Variants in STRN observed in about 807,000 individuals in gnomAD.
STRN encodes the protein protein phosphatase 2 regulatory subunit B'''alpha.
In STRN, 53 loss-of-function variants were observed where a neutral mutation model predicts 96.3. That is an observed-to-expected ratio of 0.55 (90% CI 0.44 to 0.69). STRN has a LOEUF of 0.69. STRN is among the 30% of genes least tolerant of loss of function. The pLI is 0.00. For synonymous variants in STRN, 428 were observed against 355.9 expected (o/e 1.20, Z -2.28); for missense variants, 987 against 963.9 (o/e 1.02, Z -0.32).
chr2:36,850,951 G>GT (rs771268393), intron 16 of STRN, 49 bp downstream of exon 16: 98 of 750,996 alleles, frequency 1.3e-4, no homozygotes, highest in Non-Finnish European at 1.8e-4. Context: ...TTGTGGTAGG[G>GT]ATTTTTTTTT....
At chr2:36,886,903 G>A (rs1043628440) in intron 7 of STRN, 77 bp from the exon 8 acceptor site, 54 of 1,109,670 alleles carry the variant, frequency 4.9e-5, no homozygotes, top group African/African-American at 4.3e-4. Context: ...TCTGAATGAC[G>A]TAACAACCAC....
chr2:36,881,607 G>A (rs931075486), intron 9 of STRN, among the ~76,000 whole-genome samples: 7 of 152,134 alleles, frequency 4.6e-5, no homozygotes, highest in African/African-American at 1.4e-4. Flanking sequence ...TGCACTGAGG[G>A]GGAAGGCTTA....
At chr2:36,861,069 T>A in intron 13 of STRN, 63 bp downstream of exon 13, 2 of 1,583,028 alleles carry the variant, frequency 1.3e-6, no homozygotes, top group Non-Finnish European at 1.7e-6. Flanking sequence ...CCTTTTATAT[T>A]CTATGAAAAA....
At chr2:36,929,423 G>A (rs1253318896) in intron 1 of STRN, among the ~76,000 whole-genome samples, 3 of 148,856 alleles carry the variant, frequency 2.0e-5, no homozygotes, top group South Asian at 4.2e-4. Context: ...TCGCTCTGTC[G>A]CCCAGGCTGG....
rs1415057090 is a variant in STRN, at chr2:36,849,756, T to C, written c.2131A>G (p.Ser711Gly). The change falls in exon 17 of 18, where the codon AGT (serine) becomes GGT (glycine). Residue 711 changes from serine (S) to glycine (G), a missense_variant. Coordinates refer to ENST00000263918, the MANE Select transcript of STRN (RefSeq NM_003162.4). ...AGGCCATTGGGATCAACTGCTAAAC[T>C]TGTAACAGCTTCTAGGTGGGCTACC... Reference protein sequence around the residue: ...SMVAHLEAVTSLAVDPNGLYL... With the variant: ...SMVAHLEAVTGLAVDPNGLYL... 6.2e-7 allele frequency: 1 copy of C among 1,614,134 alleles called. No individual in the cohort carries two copies. The highest frequency in any genetic ancestry group is 1.7e-5 in the Admixed American group (1 of 60,024).
intron 1 of STRN, among the ~76,000 whole-genome samples, chr2:36,930,969 GT>G (rs1460250482): frequency 6.6e-6 from 1 of 151,900 alleles, no homozygotes; most frequent in Non-Finnish European, 1.5e-5. Context: ...AGAGGTAGAG[GT>G]TGTGGTGAGT....
In STRN at chr2:36,840,628, G is replaced by A. The variant is rs1667930073; in HGVS notation, c.*8828C>T. ...ATTACTCAGCCAACAAATATTTATA[G>A]GGTACCTTTTATATGGCAAGGCACC... On this transcript the variant is annotated 3_prime_UTR_variant, in exon 18 of 18. Transcript: ENST00000263918. 1 of 150,642 alleles carries A rather than the reference G, an allele frequency of 6.6e-6. No homozygotes were observed. Among genetic ancestry groups the A allele is most frequent in the Non-Finnish European group, 1.5e-5 (1 of 67,860 alleles). 9.3% of individuals were successfully genotyped at this position (150,642 alleles called of 1,614,324 possible).
At chr2:36,908,705 G>A (rs1669885957) in intron 3 of STRN, among the ~76,000 whole-genome samples, 1 of 152,168 alleles carries the variant, frequency 6.6e-6, no homozygotes, top group Non-Finnish European at 1.5e-5. Flanking sequence ...GGGCCGCAGT[G>A]GCTCATGCCT....
intron 2 of STRN, among the ~76,000 whole-genome samples, chr2:36,919,583 G>C (rs1429712812): frequency 3.3e-5 from 5 of 152,184 alleles, no homozygotes; most frequent in Admixed American, 2.0e-4. Context: ...AAAGGGCCTG[G>C]CTGTGAAGAA....
chr2:36,923,679 A>T (rs1345883534), intron 2 of STRN, among the ~76,000 whole-genome samples: 20 of 152,208 alleles, frequency 1.3e-4, no homozygotes, highest in Admixed American at 1.2e-3. Context: ...TTATTCATAA[A>T]TATCATCTAT....
In STRN at chr2:36,946,822, A is replaced by G. The variant is rs542158379; in HGVS notation, c.234+19408T>C. 1.8e-4 allele frequency among the ~76,000 whole-genome samples: 28 copies of G among 152,288 alleles called. 1 individual carries two copies. Among genetic ancestry groups the G allele is most frequent in the Non-Finnish European group, 8.8e-5 (6 of 68,028 alleles). ...GAACTAAAACTGTTTCTTTTTTGTA[A>G]AAAAGTTGATAGTTTCTAGTCAATG... On this transcript the variant is annotated intron_variant, in intron 1 of 17. Transcript: ENST00000263918.
intron 1 of STRN, among the ~76,000 whole-genome samples, chr2:36,940,584 T>C (rs1028356991): frequency 2.0e-5 from 3 of 151,970 alleles, no homozygotes; most frequent in African/African-American, 7.3e-5. Context: ...TCCCAGCACT[T>C]TGGGAAGCCG....
At chr2:36,869,160 G>A (rs938852015) in intron 11 of STRN, among the ~76,000 whole-genome samples, 1 of 152,104 alleles carries the variant, frequency 6.6e-6, no homozygotes, top group African/African-American at 2.4e-5. Context: ...CATCTCATAA[G>A]TCTAAATCTA....
At chr2:36,864,759 T>A (rs749184639) in intron 12 of STRN, among the ~76,000 whole-genome samples, 1 of 152,204 alleles carries the variant, frequency 6.6e-6, no homozygotes, top group Non-Finnish European at 1.5e-5. Context: ...TCGCCCAGGC[T>A]GGAATGCAAT....
intron 4 of STRN, among the ~76,000 whole-genome samples, chr2:36,903,855 G>C (rs992039902): frequency 6.6e-6 from 1 of 152,014 alleles, no homozygotes; most frequent in Admixed American, 6.6e-5. Flanking sequence ...TCTTGAAAAC[G>C]GCTTTAAAGA....
intron 14 of STRN, 102 bp from the exon 15 acceptor site, chr2:36,855,454 T>A: frequency 8.6e-7 from 1 of 1,165,470 alleles, no homozygotes; most frequent in Non-Finnish European, 1.2e-6. Context: ...CCTTAAGAAG[T>A]AAACAAGGCT....
chr2:36,911,550 A>C (rs1002761077), intron 3 of STRN, among the ~76,000 whole-genome samples: 40 of 152,156 alleles, frequency 2.6e-4, no homozygotes, highest in Non-Finnish European at 5.4e-4. Flanking sequence ...TAGCTGCAAC[A>C]AACAGCCTGC....
At chr2:36,960,924 C>T (rs568791237) in intron 1 of STRN, among the ~76,000 whole-genome samples, 1 of 151,780 alleles carries the variant, frequency 6.6e-6, no homozygotes, top group East Asian at 1.9e-4. Flanking sequence ...TGAGACAGGG[C>T]CTCACTCTGG....
At chr2:36,869,148 T>C (rs557205157) in intron 11 of STRN, among the ~76,000 whole-genome samples, 1 of 152,262 alleles carries the variant, frequency 6.6e-6, no homozygotes, top group African/African-American at 2.4e-5. Flanking sequence ...TTTTCTCTGC[T>C]CCATCTCATA....
Sources: gnomAD v4.1 joint callset for allele counts (sites outside exome capture counted in the v4.1 genomes callset) on GRCh38, gnomAD v4.1.1 for gene constraint, MANE v1.5 for transcripts, NCBI Gene and HGNC (gene_info 2026-07-23, HGNC 2026-07-21) for gene names.